The following ABL2 variants were observed in gnomAD, a reference collection of about 807,000 sequenced individuals.
ABL2 encodes ABL proto-oncogene 2, non-receptor tyrosine kinase, also known as tyrosine-protein kinase ABL2.
ABL2 carries 49 observed loss-of-function variants against 107.7 expected under a neutral mutation model. The ratio of observed to expected loss-of-function variants is 0.45; its 90% confidence interval spans 0.36 to 0.58. The LOEUF (loss-of-function observed/expected upper bound fraction) is 0.58, where lower values mean the gene tolerates loss of function less well. Ranked by LOEUF, ABL2 falls within the 20% of genes least tolerant of loss-of-function variation. The pLI is 0.00. For missense variants in ABL2, 1,245 were observed against 1,457.0 expected (o/e 0.85, Z 2.37); for synonymous variants, 549 against 548.6 (o/e 1.00, Z -0.01).
chr1:179,197,746 G>A (rs1410273897), intron 1 of ABL2, among the ~76,000 whole-genome samples: 2 of 151,416 alleles, frequency 1.3e-5, no homozygotes, highest in East Asian at 1.9e-4. Context: ...GCATGTGACT[G>A]TAGTCCCAGC....
intron 1 of ABL2, chr1:179,220,923 C>T: frequency 5.5e-6 from 1 of 180,318 alleles, no homozygotes; most frequent in Non-Finnish European, 1.2e-5. Flanking sequence ...TGACTCTCCT[C>T]CTGATGTGGT....
chr1:179,123,013 G>A (rs1311603420), intron 4 of ABL2, among the ~76,000 whole-genome samples: 1 of 152,140 alleles, frequency 6.6e-6, no homozygotes, highest in East Asian at 1.9e-4. Context: ...CAGAAGATAC[G>A]TAAAGAAGAG....
chr1:179,222,139 GAA>G (rs1446519204), intron 1 of ABL2: 1 of 163,400 alleles, frequency 6.1e-6, no homozygotes, highest in African/African-American at 2.4e-5. Context: ...CGCATTCTAT[GAA>G]AAGCCTAGAA....
chr1:179,127,502 G>A (rs923507222), intron 3 of ABL2, among the ~76,000 whole-genome samples: 8 of 152,156 alleles, frequency 5.3e-5, no homozygotes, highest in Non-Finnish European at 1.2e-4. Flanking sequence ...TATTAAAATT[G>A]TGAACATCAA....
At chr1:179,216,644 C>T (rs772654852) in intron 1 of ABL2, among the ~76,000 whole-genome samples, 1 of 151,816 alleles carries the variant, frequency 6.6e-6, no homozygotes, top group Non-Finnish European at 1.5e-5. Flanking sequence ...CTGCCATTAT[C>T]ACCTGGGGGA....
intron 1 of ABL2, among the ~76,000 whole-genome samples, chr1:179,153,855 A>G (rs116466922): frequency 0.029 from 4,450 of 152,144 alleles, 102 homozygotes; most frequent in Non-Finnish European, 0.045. Flanking sequence ...ATAAGTAGAT[A>G]CCTTTGGATA....
In ABL2 at chr1:179,126,488, A is replaced by T; in HGVS notation, c.576T>A (p.Asn192Lys). Residue 192 changes from asparagine to lysine, a missense_variant, in exon 4 of 12, where the codon AAT becomes AAA. Asn to Lys is a moderately conservative substitution (Grantham distance 94). This residue lies in a region of ABL2 where 320 missense variants were observed against 547.0 expected (regional missense o/e 0.59). Transcript: ENST00000502732. The surrounding 1 kb of genome is among the most constrained non-coding windows in gnomAD (Gnocchi z 4.4). ...AAEYLLSSLI[N>K]GSFLVRESES... Reference sequence around the variant, plus strand: ...CACTTTCTCGCACCAGGAAGCTGCCATTGATTAGACTGCTGAGCAGATACT... The same window carrying T: ...CACTTTCTCGCACCAGGAAGCTGCCTTTGATTAGACTGCTGAGCAGATACT... 6.2e-7 allele frequency: 1 copy of T among 1,614,176 alleles called. No individual in the cohort carries two copies. The highest frequency in any genetic ancestry group is 8.5e-7 in the Non-Finnish European group (1 of 1,180,044).
intron 1 of ABL2, among the ~76,000 whole-genome samples, chr1:179,142,496 T>C (rs1361771062): frequency 1.3e-5 from 2 of 152,208 alleles, no homozygotes; most frequent in Admixed American, 1.3e-4. Context: ...AATTAGAAAT[T>C]TGTCAGGTAG....
intron 1 of ABL2, among the ~76,000 whole-genome samples, chr1:179,198,424 T>G (rs1408490765): frequency 6.6e-6 from 1 of 151,914 alleles, no homozygotes; most frequent in Non-Finnish European, 1.5e-5. Flanking sequence ...CCAGGCGCAG[T>G]GGCCATGCCT....
chr1:179,204,295 G>A (rs1180311551), intron 1 of ABL2, among the ~76,000 whole-genome samples: 1 of 151,838 alleles, frequency 6.6e-6, no homozygotes, highest in African/African-American at 2.4e-5. Context: ...CCAAAGTGCT[G>A]GGATTATAGG....
chr1:179,176,124 G>A lies in ABL2; in HGVS notation c.158-42750C>T, dbSNP rs368706709. On this transcript the variant is annotated intron_variant, in intron 1 of 11. Coordinates refer to ENST00000502732, the MANE Select transcript of ABL2 (RefSeq NM_007314.4). Reference sequence around the variant, plus strand: ...CCTGCCTCGGCCTCCCAAAGTGCTGGGATTACAAGTGTGAGACACCATACC... The same window carrying A: ...CCTGCCTCGGCCTCCCAAAGTGCTGAGATTACAAGTGTGAGACACCATACC... 5.9e-5 allele frequency among the ~76,000 whole-genome samples: 9 copies of A among 152,030 alleles called. No homozygotes were observed. The East Asian group carries it at 1.7e-3, about 29-fold the overall frequency.
chr1:179,150,772 T>C (rs955873921), intron 1 of ABL2, among the ~76,000 whole-genome samples: 3 of 152,230 alleles, frequency 2.0e-5, no homozygotes, highest in Non-Finnish European at 4.4e-5. Flanking sequence ...AAGCACTGCA[T>C]TCTACAGAGA....
intron 10 of ABL2, 147 bp downstream of exon 10, chr1:179,112,162 C>T: frequency 1.6e-6 from 1 of 613,046 alleles, no homozygotes. Flanking sequence ...ATAAACTATA[C>T]TCTGATGCAA....
At chr1:179,213,595 C>A (rs539945172) in intron 1 of ABL2, among the ~76,000 whole-genome samples, 2 of 152,196 alleles carry the variant, frequency 1.3e-5, no homozygotes, top group Non-Finnish European at 2.9e-5. Flanking sequence ...GCCACCACTC[C>A]TGGCCAATAC....
intron 11 of ABL2, 56 bp from the exon 12 acceptor site, chr1:179,109,497 T>C (rs1653831371): frequency 6.5e-7 from 1 of 1,543,058 alleles, no homozygotes; most frequent in African/African-American, 1.4e-5. Flanking sequence ...TCTATTACAT[T>C]TGAGTTACCG....
At chr1:179,215,588 G>C (rs149555685) in intron 1 of ABL2, among the ~76,000 whole-genome samples, 1 of 151,870 alleles carries the variant, frequency 6.6e-6, no homozygotes, top group Non-Finnish European at 1.5e-5. Context: ...TCAGCTGGGC[G>C]TGGTGGCACA....
chr1:179,135,098 A>C (rs1172304031), intron 1 of ABL2, among the ~76,000 whole-genome samples: 2 of 152,138 alleles, frequency 1.3e-5, no homozygotes, highest in African/African-American at 2.4e-5. Context: ...ACCTCCCAGC[A>C]GCCTGCCTTG....
In ABL2 at chr1:179,126,889, A is replaced by T. The variant is rs1655773125; in HGVS notation, c.392-217T>A. ...GCTTAACCACAGAAGTATGGTCACA[A>T]ATGGTTTTCTGGCATTTACTACAGG... is the stretch of plus-strand genomic sequence containing the variant. On this transcript the variant is annotated intron_variant, in intron 3 of 11. Transcript: ENST00000502732. This position sits in a 1 kb window ranked among gnomAD's most constrained non-coding sequence, Gnocchi z 4.4. 6.6e-6 allele frequency among the ~76,000 whole-genome samples: 1 copy of T among 152,144 alleles called. No homozygotes were observed. Among genetic ancestry groups the T allele is most frequent in the Non-Finnish European group, 1.5e-5 (1 of 68,032 alleles).
chr1:179,191,406 G>A (rs1661001034), intron 1 of ABL2, among the ~76,000 whole-genome samples: 1 of 137,756 alleles, frequency 7.3e-6, no homozygotes, highest in East Asian at 2.2e-4. Context: ...CTTTCTGTAT[G>A]AAATCCCTTT....
Sources: gnomAD v4.1 joint callset for allele counts (sites outside exome capture counted in the v4.1 genomes callset) on GRCh38, gnomAD v4.1.1 for gene constraint, gnomAD v4.1.1 regional missense constraint, Gnocchi (gnomAD v3.1) non-coding constraint, MANE v1.5 for transcripts, NCBI Gene and HGNC (gene_info 2026-07-23, HGNC 2026-07-21) for gene names.